The following PRH1 variants were observed in gnomAD, a reference collection of about 807,000 sequenced individuals.
The protein encoded by PRH1 is proline rich protein HaeIII subfamily 1.
In PRH1, 7 loss-of-function variants were observed where a neutral mutation model predicts 7.9. The ratio of observed to expected loss-of-function variants is 0.89; its 90% confidence interval spans 0.50 to 1.67. The LOEUF is 1.67. PRH1 is among the 40% of genes most tolerant of loss of function. The pLI, the probability that PRH1 is intolerant of heterozygous loss-of-function variation, is 0.00. For missense variants in PRH1, 109 were observed against 223.6 expected (o/e 0.49, Z 3.27); for synonymous variants, 45 against 80.8 (o/e 0.56, Z 2.38).
chr12:11,090,935 T>C lies in PRH1; in HGVS notation n.124-43747A>G, dbSNP rs553067550. On this transcript the variant is annotated intron_variant and non_coding_transcript_variant, in intron 1 of 4. Coordinates refer to the PRH1 transcript ENST00000541977. Reference sequence around the variant, plus strand: ...GCTCTTACTTCTTAATAATTATAAATAGACATTGCAAATTCTACAAATGAA... The same window carrying C: ...GCTCTTACTTCTTAATAATTATAAACAGACATTGCAAATTCTACAAATGAA... Among the ~76,000 whole-genome samples, 6 of 110,552 alleles carry C rather than the reference T, an allele frequency of 5.4e-5. 1 individual carries two copies. Among genetic ancestry groups the C allele is most frequent in the South Asian group, 4.9e-4 (2 of 4,082 alleles). The allele number at this position is 110,552 out of a possible 152,430, so 72.5% of individuals were successfully genotyped here.
chr12:10,982,977 G>A (rs551446762), intron 1 of PRH1, among the ~76,000 whole-genome samples: 1 of 152,220 alleles, frequency 6.6e-6, no homozygotes, highest in African/African-American at 2.4e-5. Context: ...CTCACTAAAG[G>A]AGTTTGCAAG....
chr12:11,109,641 G>A (rs958888955), intron 1 of PRH1, among the ~76,000 whole-genome samples: 2 of 152,038 alleles, frequency 1.3e-5, no homozygotes, highest in South Asian at 2.1e-4. Flanking sequence ...CAAAAAGGAT[G>A]TACACACAGA....
chr12:11,033,253 G>C (rs1233250506), intron 1 of PRH1, among the ~76,000 whole-genome samples: 2 of 152,120 alleles, frequency 1.3e-5, no homozygotes, highest in African/African-American at 4.8e-5. Flanking sequence ...TGTATTCCCA[G>C]CTACTCGGGA....
chr12:11,147,755 T>G (rs1946911906), intron 1 of PRH1, among the ~76,000 whole-genome samples: 1 of 152,224 alleles, frequency 6.6e-6, no homozygotes, highest in Non-Finnish European at 1.5e-5. Context: ...GTTCTACAGA[T>G]GTTAAAGAGC....
chr12:11,132,940 A>G (rs1946408649), intron 1 of PRH1: 1 of 206,408 alleles, frequency 4.8e-6, no homozygotes, highest in Non-Finnish European at 9.6e-6. Context: ...TTCCTGAGAT[A>G]AGCTGTTAGT....
intron 1 of PRH1, among the ~76,000 whole-genome samples, chr12:11,069,231 C>G (rs184731699): frequency 5.2e-4 from 79 of 151,742 alleles, no homozygotes; most frequent in Admixed American, 6.6e-5. Context: ...ACTGTTACTT[C>G]TAAATGTAAA....
At chr12:10,930,763 G>A (rs1274170886) in intron 2 of PRH1, 1 of 1,604,624 alleles carries the variant, frequency 6.2e-7, no homozygotes, top group Non-Finnish European at 8.5e-7. Flanking sequence ...CCAGAATGAT[G>A]GCCCTCAGCA....
At chr12:11,154,749 T>C (rs138226398) in intron 1 of PRH1, among the ~76,000 whole-genome samples, 3 of 152,318 alleles carry the variant, frequency 2.0e-5, no homozygotes, top group African/African-American at 7.2e-5. Context: ...TTGATGAGAT[T>C]CCTAGACAAG....
chr12:10,942,999 G>A (rs911044297), intron 2 of PRH1, among the ~76,000 whole-genome samples: 2 of 152,148 alleles, frequency 1.3e-5, no homozygotes, highest in Non-Finnish European at 2.9e-5. Context: ...TGTGTTTGGG[G>A]GCAGAGGATC....
chr12:11,107,806 C>T (rs1459945396), intron 1 of PRH1, among the ~76,000 whole-genome samples: 1 of 152,122 alleles, frequency 6.6e-6, no homozygotes, highest in African/African-American at 2.4e-5. Flanking sequence ...AATGGTTTTT[C>T]TCAAAAAACA....
chr12:10,986,968 T>A, intron 1 of PRH1: 2 of 773,440 alleles, frequency 2.6e-6, no homozygotes, highest in Non-Finnish European at 3.8e-6. Flanking sequence ...GAATGTGCAG[T>A]AACATTCTTT....
intron 2 of PRH1, among the ~76,000 whole-genome samples, chr12:10,953,643 T>C (rs1486001646): frequency 1.3e-5 from 2 of 152,180 alleles, no homozygotes; most frequent in Admixed American, 1.3e-4. Flanking sequence ...CTCATTGGCA[T>C]CCATGAAATA....
At chr12:10,896,538 G>C (rs568674764) in intron 2 of PRH1, among the ~76,000 whole-genome samples, 1 of 152,210 alleles carries the variant, frequency 6.6e-6, no homozygotes, top group Admixed American at 6.5e-5. Flanking sequence ...AAGGCAGGTG[G>C]ATCACCTGAG....
At chr12:10,932,047 C>T (rs949812141) in intron 2 of PRH1, among the ~76,000 whole-genome samples, 1 of 152,144 alleles carries the variant, frequency 6.6e-6, no homozygotes. Context: ...GTTTAAAGCA[C>T]ATTACGTGCA....
intron 1 of PRH1, among the ~76,000 whole-genome samples, chr12:11,157,959 C>T (rs1445160188): frequency 6.6e-6 from 1 of 152,110 alleles, no homozygotes; most frequent in East Asian, 1.9e-4. Context: ...TTCCCTATGG[C>T]CTTATCATTC....
intron 1 of PRH1, among the ~76,000 whole-genome samples, chr12:11,122,961 TATG>T (rs939091329): frequency 2.6e-4 from 40 of 152,306 alleles, no homozygotes; most frequent in African/African-American, 9.6e-4. Context: ...TCACACCTCT[TATG>T]ATAAGTACAT....
intron 1 of PRH1, among the ~76,000 whole-genome samples, chr12:11,161,761 C>G (rs1463833656): frequency 6.6e-6 from 1 of 152,030 alleles, no homozygotes; most frequent in African/African-American, 2.4e-5. Flanking sequence ...TTCAATTAAA[C>G]ATAGAGACCA....
chr12:11,040,304 G>A (rs912713327), intron 1 of PRH1, among the ~76,000 whole-genome samples: 2 of 152,168 alleles, frequency 1.3e-5, no homozygotes, highest in African/African-American at 4.8e-5. Context: ...AAACTGCCAA[G>A]ACAGGAAACC....
At chr12:11,062,618 T>C (rs1471636963) in intron 1 of PRH1, among the ~76,000 whole-genome samples, 2 of 152,136 alleles carry the variant, frequency 1.3e-5, no homozygotes, top group African/African-American at 4.8e-5. Context: ...TTTGCTAGTA[T>C]GCAAACAAGG....
Sources: gnomAD v4.1 joint callset for allele counts (sites outside exome capture counted in the v4.1 genomes callset) on GRCh38, gnomAD v4.1.1 for gene constraint, MANE v1.5 for transcripts, NCBI Gene and HGNC (gene_info 2026-07-23, HGNC 2026-07-21) for gene names.